Variants in COL27A1 observed in about 807,000 individuals in gnomAD.
COL27A1 encodes collagen alpha-1(XXVII) chain.
COL27A1 carries 106 observed loss-of-function variants against 251.3 expected under a neutral mutation model. The observed-to-expected ratio is 0.42, with a 90% CI of 0.36 to 0.50. COL27A1 has a LOEUF of 0.50. Among genes scored for constraint, COL27A1 ranks in the 20% least tolerant of loss-of-function variants. The pLI is 0.00. For missense variants in COL27A1, 2,325 were observed against 2,522.8 expected, an observed-to-expected ratio of 0.92 and a Z score of 1.68; for synonymous variants, 1,000 against 986.3, an observed-to-expected ratio of 1.01 and a Z score of -0.26.
At position 114,290,293 on chromosome 9, in the gene COL27A1, G is replaced by C; in HGVS notation, c.4330G>C (p.Asp1444His). 6.3e-7 allele frequency: 1 copy of C among 1,583,746 alleles called. No individual in the cohort carries two copies. Among genetic ancestry groups the C allele is most frequent in the Non-Finnish European group, 8.6e-7 (1 of 1,165,170 alleles). The change falls in exon 47 of 61, where the codon GAT becomes CAT. Residue 1444 changes from aspartate to histidine, a missense_variant. Physicochemically the swap from Asp to His is moderately conservative, Grantham distance 81. Transcript: ENST00000356083. This position sits in a 1 kb window ranked among gnomAD's most constrained non-coding sequence, Gnocchi z 4.6. ...GGGCCTCGAGGGCATCGCTGGACCAGATGGGCTTCCTGGCAGGGACGGGCA... is the reference window on the plus strand; with the variant it reads ...GGGCCTCGAGGGCATCGCTGGACCACATGGGCTTCCTGGCAGGGACGGGCA... ...RQGLEGIAGP[D>H]GLPGRDGQAG...
Position 114,205,760 on chromosome 9 carries a change from G to C in COL27A1, c.2171G>C (p.Gly724Ala), listed in dbSNP as rs749934331. Residue 724 changes from glycine to alanine, a missense_variant and splice_region_variant, in exon 9 of 61, where the codon GGG becomes GCG. Coordinates refer to ENST00000356083, the MANE Select transcript of COL27A1 (RefSeq NM_032888.4). Reference sequence around the variant, plus strand: ...ATGTTTCTCTCTGTTCCTTTGCAGGGGCAGCCAGGACCTGAGGGCAGCCCA... The same window carrying C: ...ATGTTTCTCTCTGTTCCTTTGCAGGCGCAGCCAGGACCTGAGGGCAGCCCA... ...PGPAGHPGEQGQPGPEGSPGA... is the reference protein window; with the variant it reads ...PGPAGHPGEQAQPGPEGSPGA... The C allele has an allele frequency of 6.2e-7, 1 of 1,614,034 alleles. No individual in the cohort carries two copies. Among genetic ancestry groups the C allele is most frequent in the Non-Finnish European group, 8.5e-7 (1 of 1,179,894 alleles).
At chr9:114,303,239 T>TGTC (rs1828790702) in intron 56 of COL27A1, among the ~76,000 whole-genome samples, 1 of 145,278 alleles carries the variant, frequency 6.9e-6, no homozygotes, top group African/African-American at 2.5e-5. Flanking sequence ...TTTTTTTTCT[T>TGTC]TTCTTTTTTT....
chr9:114,249,744 A>G (rs974048353), intron 24 of COL27A1, among the ~76,000 whole-genome samples: 1 of 152,088 alleles, frequency 6.6e-6, no homozygotes, highest in Non-Finnish European at 1.5e-5. Context: ...CAGGGAGCGG[A>G]TTTTATGGAC....
chr9:114,192,163 C>A (rs1828793843), intron 5 of COL27A1, among the ~76,000 whole-genome samples: 1 of 152,192 alleles, frequency 6.6e-6, no homozygotes, highest in South Asian at 2.1e-4. Context: ...GGCAAGGGAG[C>A]AAGTCATCAT....
At chr9:114,162,600 G>A in intron 1 of COL27A1, 115 bp from the exon 2 acceptor site, 6 of 740,500 alleles carry the variant, frequency 8.1e-6, no homozygotes, top group Non-Finnish European at 1.4e-5. Context: ...CCTGCCTCCC[G>A]TGGGCAGGAC....
At chr9:114,232,204 G>A (rs1832016157) in intron 16 of COL27A1, among the ~76,000 whole-genome samples, 1 of 152,204 alleles carries the variant, frequency 6.6e-6, no homozygotes. Flanking sequence ...AAGGAGGGTG[G>A]CAGTGAGGGC....
chr9:114,229,952 C>CT, intron 14 of COL27A1, among the ~76,000 whole-genome samples: 1 of 152,340 alleles, frequency 6.6e-6, no homozygotes, highest in African/African-American at 2.4e-5. Flanking sequence ...CTCTGCCTAC[C>CT]AGACGCCAAT....
chr9:114,223,037 T>A (rs1831225868), intron 14 of COL27A1, among the ~76,000 whole-genome samples: 1 of 152,210 alleles, frequency 6.6e-6, no homozygotes, highest in Non-Finnish European at 1.5e-5. Context: ...CGATCTGACC[T>A]GACTCCATCC....
rs778524732 is a variant in COL27A1, at chr9:114,205,824, G to A, written c.2223+12G>A. The A allele has an allele frequency of 1.2e-6, 2 of 1,609,446 alleles. No individual in the cohort carries two copies. Among genetic ancestry groups the A allele is most frequent in the South Asian group, 2.2e-5 (2 of 90,238 alleles). On this transcript the variant is annotated intron_variant, in intron 9 of 60. Transcript: ENST00000356083. The stretch of plus-strand genomic sequence containing the variant: ...ACCCTGGCAGGCAGGTGCAGTATAT[G>A]GCTTCTGGAAGCTCTGTGGCCATGG...
At chr9:114,271,314 C>T (rs924204123) in intron 36 of COL27A1, 1 of 159,360 alleles carries the variant, frequency 6.3e-6, no homozygotes, top group African/African-American at 2.4e-5. Context: ...TGCCCAAGGA[C>T]ACACCGCTAG....
In COL27A1 at chr9:114,290,257, G is replaced by T. The variant is rs1438462253; in HGVS notation, c.4294G>T (p.Val1432Leu). The T allele has an allele frequency of 2.5e-6, 4 of 1,576,400 alleles. No individual in the cohort carries two copies. The East Asian group carries it at 9.2e-5, about 36-fold the overall frequency. ...LQGLPGPRGV[V>L]GRQGLEGIAG... is the part of the protein sequence containing the mutation. ...GGGGCTGCCAGGGCCCCGGGGCGTG[G>T]TGGGGAGACAGGGCCTCGAGGGCAT... The change falls in exon 47 of 61, where the codon GTG (valine) becomes TTG (leucine). Residue 1432 changes from valine (V) to leucine (L), a missense_variant. Physicochemically the swap from Val to Leu is conservative, Grantham distance 32. This residue lies in a region of COL27A1 where 153 missense variants were observed against 140.7 expected (regional missense o/e 1.09). Coordinates refer to ENST00000356083, the MANE Select transcript of COL27A1 (RefSeq NM_032888.4). The surrounding 1 kb of genome is among the most constrained non-coding windows in gnomAD (Gnocchi z 4.6).
Position 114,167,984 on chromosome 9 carries a change from C to T in COL27A1, c.429C>T (p.Arg143=). ...CGGTCGTCCACCTCGGGTCCCGGCG[C>T]TCAGTGGCCTTCGACCTCGACATGC... ...GKTVVHLGSR[R]SVAFDLDMHD... is the part of the protein sequence containing the mutation. The change falls in exon 3 of 61, where the codon CGC becomes CGT. Residue 143 remains arginine, a synonymous_variant. Coordinates refer to ENST00000356083, the MANE Select transcript of COL27A1 (RefSeq NM_032888.4). 6.2e-7 allele frequency: 1 copy of T among 1,605,474 alleles called. No individual in the cohort carries two copies. The highest frequency in any genetic ancestry group is 8.5e-7 in the Non-Finnish European group (1 of 1,179,820).
chr9:114,299,721 C>T (rs1449651884), intron 49 of COL27A1, among the ~76,000 whole-genome samples: 2 of 152,204 alleles, frequency 1.3e-5, no homozygotes, highest in African/African-American at 4.8e-5. Context: ...TAGGGGAATC[C>T]TTCCTTAACA....
At chr9:114,281,589 G>C (rs62555439) in intron 37 of COL27A1, among the ~76,000 whole-genome samples, 14,789 of 152,352 alleles carry the variant, frequency 0.097, 828 homozygotes, top group African/African-American at 0.11. Flanking sequence ...CCCTGAGAGA[G>C]GAGGGGCCCG....
chr9:114,224,472 C>A (rs1242362077), intron 14 of COL27A1, among the ~76,000 whole-genome samples: 1 of 152,078 alleles, frequency 6.6e-6, no homozygotes, highest in Non-Finnish European at 1.5e-5. Flanking sequence ...AATTCCCATC[C>A]CAAAGCCTTT....
chr9:114,192,653 C>G (rs1828823165), intron 5 of COL27A1, among the ~76,000 whole-genome samples: 1 of 152,170 alleles, frequency 6.6e-6, no homozygotes, highest in South Asian at 2.1e-4. Context: ...CAGGGAAGGC[C>G]AGCCCAGGCT....
At chr9:114,187,530 G>A (rs1205563273) in intron 5 of COL27A1, among the ~76,000 whole-genome samples, 1 of 152,264 alleles carries the variant, frequency 6.6e-6, no homozygotes, top group Non-Finnish European at 1.5e-5. Flanking sequence ...CACATTTCTA[G>A]TAAGTGGCAG....
chr9:114,243,256 A>G (rs1361771609), intron 22 of COL27A1, among the ~76,000 whole-genome samples: 2 of 152,178 alleles, frequency 1.3e-5, no homozygotes, highest in Non-Finnish European at 2.9e-5. Context: ...GGCAGGTGTC[A>G]TCTTCCTCAT....
chr9:114,213,052 C>T (rs994000147), intron 12 of COL27A1, among the ~76,000 whole-genome samples: 6 of 152,178 alleles, frequency 3.9e-5, no homozygotes, highest in Admixed American at 1.3e-4. Context: ...GATCGCTTCT[C>T]GGAGAGGTAA....
Sources: allele counts gnomAD v4.1 joint callset (sites outside exome capture counted in the v4.1 genomes callset), GRCh38; gene constraint gnomAD v4.1.1; regional missense constraint gnomAD v4.1.1; non-coding constraint Gnocchi (gnomAD v3.1); transcripts MANE v1.5; gene names NCBI Gene and HGNC (gene_info 2026-07-23, HGNC 2026-07-21).